CAB39L: variants seen among roughly 807,000 people sequenced by gnomAD.
CAB39L encodes the protein calcium binding protein 39 like.
In CAB39L, 23 loss-of-function variants were observed where a neutral mutation model predicts 39.1. The observed-to-expected ratio is 0.59, with a 90% CI of 0.42 to 0.83. CAB39L has a LOEUF of 0.83. Among genes scored for constraint, CAB39L ranks in the 40% least tolerant of loss-of-function variants. The pLI, the probability that CAB39L is intolerant of heterozygous loss-of-function variation, is 0.00. For synonymous variants in CAB39L, 126 were observed against 137.2 expected (o/e 0.92, Z 0.57); for missense variants, 366 against 391.9 (o/e 0.93, Z 0.56).
chr13:49,313,280 G>C (rs1376061797), intron 10 of CAB39L, among the ~76,000 whole-genome samples: 2 of 152,090 alleles, frequency 1.3e-5, no homozygotes, highest in African/African-American at 4.8e-5. Context: ...AGGAGATCGA[G>C]ACCATCCTGG....
At chr13:49,346,857 T>G (rs773488753) in intron 7 of CAB39L, among the ~76,000 whole-genome samples, 4 of 152,182 alleles carry the variant, frequency 2.6e-5, no homozygotes, top group Non-Finnish European at 4.4e-5. Flanking sequence ...TGGGAATTTT[T>G]AGAGGGAGGG....
At chr13:49,443,813 C>T (rs1957593821) in intron 1 of CAB39L, among the ~76,000 whole-genome samples, 173 bp downstream of exon 1, 1 of 152,130 alleles carries the variant, frequency 6.6e-6, no homozygotes, top group Non-Finnish European at 1.5e-5. Flanking sequence ...AGACTCAGGC[C>T]CAGGAAACCC....
At chr13:49,438,741 G>A (rs1957456932) in intron 1 of CAB39L, among the ~76,000 whole-genome samples, 1 of 152,124 alleles carries the variant, frequency 6.6e-6, no homozygotes. Context: ...CAATTTTACA[G>A]GACCACATCT....
At chr13:49,315,932 T>C (rs1261797399) in intron 10 of CAB39L, among the ~76,000 whole-genome samples, 1 of 149,066 alleles carries the variant, frequency 6.7e-6, no homozygotes, top group Admixed American at 6.7e-5. Flanking sequence ...CTCAGATTAG[T>C]AACCTAGTTT....
intron 7 of CAB39L, among the ~76,000 whole-genome samples, chr13:49,349,308 TAA>T (rs1955271808): frequency 6.6e-6 from 1 of 151,694 alleles, no homozygotes; most frequent in African/African-American, 2.4e-5. Context: ...ATATAAAAAA[TAA>T]AAATTCATAC....
intron 5 of CAB39L, among the ~76,000 whole-genome samples, chr13:49,360,993 T>C (rs919010287): frequency 2.1e-4 from 32 of 152,174 alleles, no homozygotes; most frequent in African/African-American, 7.7e-4. Context: ...TACAATGACA[T>C]TGCATTCTCA....
chr13:49,370,380 T>C (rs758231400), intron 5 of CAB39L, among the ~76,000 whole-genome samples: 13 of 152,230 alleles, frequency 8.5e-5, no homozygotes, highest in Non-Finnish European at 1.6e-4. Flanking sequence ...GGCTGGCTTC[T>C]TCTGTTTCTT....
intron 6 of CAB39L, among the ~76,000 whole-genome samples, chr13:49,353,459 TAACCTTA>T (rs1225423732): frequency 6.6e-6 from 1 of 152,176 alleles, no homozygotes; most frequent in Non-Finnish European, 1.5e-5. Flanking sequence ...AATTTGGCCC[TAACCTTA>T]ACTTTTCAGT....
At chr13:49,422,176 T>C (rs1048132947) in intron 3 of CAB39L, among the ~76,000 whole-genome samples, 1 of 152,198 alleles carries the variant, frequency 6.6e-6, no homozygotes, top group African/African-American at 2.4e-5. Context: ...ATTGCACTTA[T>C]ACAGTAAAAG....
At chr13:49,344,586 ATC>A (rs1170062673) in intron 7 of CAB39L, among the ~76,000 whole-genome samples, 3 of 146,420 alleles carry the variant, frequency 2.0e-5, no homozygotes, top group Non-Finnish European at 4.4e-5. Context: ...CAGTGGCATG[ATC>A]TCAGCTCACT....
intron 3 of CAB39L, among the ~76,000 whole-genome samples, chr13:49,406,069 A>T (rs1333737623): frequency 6.6e-6 from 1 of 152,170 alleles, no homozygotes; most frequent in Admixed American, 6.6e-5. Flanking sequence ...GTTTAATACA[A>T]TGAATAAGAT....
intron 10 of CAB39L, among the ~76,000 whole-genome samples, chr13:49,329,633 CT>C (rs1954630313): frequency 7.4e-6 from 1 of 134,282 alleles, no homozygotes; most frequent in African/African-American, 2.7e-5. Flanking sequence ...GAAAGATCAA[CT>C]AAAAATGTCT....
chr13:49,338,804 C>G (rs1293282997), intron 9 of CAB39L, among the ~76,000 whole-genome samples: 4 of 152,204 alleles, frequency 2.6e-5, no homozygotes, highest in African/African-American at 9.6e-5. Context: ...TTCAGAATCT[C>G]TCCCGTAAAT....
intron 3 of CAB39L, chr13:49,413,918 CTCTA>C (rs960104453): frequency 5.3e-5 from 8 of 152,158 alleles, no homozygotes; most frequent in African/African-American, 1.9e-4. Flanking sequence ...AAAATTTAAA[CTCTA>C]TCTCTTCTAG....
intron 3 of CAB39L, among the ~76,000 whole-genome samples, chr13:49,426,220 A>G (rs1351120887): frequency 6.6e-6 from 1 of 152,206 alleles, no homozygotes; most frequent in African/African-American, 2.4e-5. Context: ...TGGATTGGTC[A>G]GTCACACCAT....
intron 1 of CAB39L, among the ~76,000 whole-genome samples, chr13:49,437,830 T>C (rs1341991712): frequency 6.6e-6 from 1 of 152,122 alleles, no homozygotes; most frequent in Non-Finnish European, 1.5e-5. Context: ...TATTATTTAA[T>C]ATTATTTTGA....
intron 1 of CAB39L, 96 bp downstream of exon 1, chr13:49,443,890 C>A: frequency 2.2e-6 from 1 of 456,566 alleles, no homozygotes; most frequent in Admixed American, 2.4e-5. Context: ...CCATTGTTCT[C>A]TCCGGACCCC....
intron 3 of CAB39L, among the ~76,000 whole-genome samples, chr13:49,430,890 G>T (rs982924802): frequency 6.6e-6 from 1 of 152,144 alleles, no homozygotes; most frequent in African/African-American, 2.4e-5. Flanking sequence ...GCACTGAAAG[G>T]CTTAATAGTC....
chr13:49,440,408 T>C (rs1161954256), intron 1 of CAB39L, among the ~76,000 whole-genome samples: 1 of 152,118 alleles, frequency 6.6e-6, no homozygotes, highest in Non-Finnish European at 1.5e-5. Context: ...CAGATGGCTG[T>C]GGGTGTACAG....
Sources: allele counts gnomAD v4.1 joint callset (sites outside exome capture counted in the v4.1 genomes callset), GRCh38; gene constraint gnomAD v4.1.1; transcripts MANE v1.5; gene names NCBI Gene and HGNC (gene_info 2026-07-23, HGNC 2026-07-21).